MARCHF1: variants seen among roughly 807,000 people sequenced by gnomAD.
MARCHF1 encodes the protein E3 ubiquitin-protein ligase MARCHF1.
Under a neutral mutation model 54.2 loss-of-function variants are expected in MARCHF1, and 40 were observed. That is an observed-to-expected ratio of 0.74 (90% CI 0.57 to 0.96). MARCHF1 has a LOEUF of 0.96. Among genes scored for constraint, MARCHF1 ranks in the 40% least tolerant of loss-of-function variants. The pLI is 0.00. For synonymous variants in MARCHF1, 236 were observed against 236.3 expected (o/e 1.00, Z 0.01); for missense variants, 586 against 656.5 (o/e 0.89, Z 1.17).
intron 1 of MARCHF1, among the ~76,000 whole-genome samples, chr4:164,234,312 T>C (rs1732489984): frequency 6.6e-6 from 1 of 152,172 alleles, no homozygotes; most frequent in Non-Finnish European, 1.5e-5. Context: ...GAATAATTAC[T>C]ATACAATAAC....
chr4:163,843,675 C>T (rs1749403824), intron 4 of MARCHF1, among the ~76,000 whole-genome samples: 1 of 152,020 alleles, frequency 6.6e-6, no homozygotes, highest in African/African-American at 2.4e-5. Flanking sequence ...AGCTCCTTTC[C>T]CTAATTCTCT....
chr4:163,999,730 A>G (rs1753149334), intron 2 of MARCHF1, among the ~76,000 whole-genome samples: 1 of 151,526 alleles, frequency 6.6e-6, no homozygotes, highest in Non-Finnish European at 1.5e-5. Flanking sequence ...CTGCCAAATA[A>G]TGTAGTAAGC....
intron 4 of MARCHF1, among the ~76,000 whole-genome samples, chr4:163,779,514 T>C (rs145940889): frequency 1.0e-3 from 159 of 152,288 alleles, no homozygotes; most frequent in African/African-American, 3.7e-3. Flanking sequence ...CTTCTTATAG[T>C]TTTCCATAAA....
chr4:163,979,505 A>G (rs1752718553), intron 3 of MARCHF1, among the ~76,000 whole-genome samples: 1 of 147,400 alleles, frequency 6.8e-6, no homozygotes, highest in Non-Finnish European at 1.5e-5. Flanking sequence ...TCTTTATAGC[A>G]GCATGATTTA....
chr4:164,094,099 C>A (rs2111139420), intron 2 of MARCHF1, among the ~76,000 whole-genome samples: 1 of 152,218 alleles, frequency 6.6e-6, no homozygotes, highest in African/African-American at 2.4e-5. Flanking sequence ...TTCAGATCAA[C>A]ATTTGTTTGG....
At chr4:163,802,315 T>C (rs1056598149) in intron 4 of MARCHF1, among the ~76,000 whole-genome samples, 2 of 152,162 alleles carry the variant, frequency 1.3e-5, no homozygotes, top group Non-Finnish European at 2.9e-5. Flanking sequence ...TTTTTTCACT[T>C]TAAATTGCTA....
rs66848288 is a variant in MARCHF1 at position 163,651,525 on chromosome 4, CT to C, written c.163-38133del. ...CTCTCTCTGTCTTTCAAGTACCATA[CT>C]TTTTTTTTTTTTTTTTTTACTGCAA... On this transcript the variant is annotated intron_variant, in intron 5 of 9. Transcript: ENST00000514618. 3.3e-3 allele frequency among the ~76,000 whole-genome samples: 426 copies of C among 131,032 alleles called. 2 individuals carry two copies. Among genetic ancestry groups the C allele is most frequent in the Non-Finnish European group, 4.5e-3 (272 of 59,956 alleles). The allele number at this position is 131,032 out of a possible 152,430, so 86.0% of individuals were successfully genotyped here.
At chr4:163,829,610 G>C (rs1236647656) in intron 4 of MARCHF1, among the ~76,000 whole-genome samples, 2 of 152,018 alleles carry the variant, frequency 1.3e-5, no homozygotes, top group African/African-American at 4.8e-5. Flanking sequence ...GCAGGCTCAG[G>C]GTAAAAGGAA....
chr4:163,898,205 C>G (rs1259844208), intron 3 of MARCHF1, among the ~76,000 whole-genome samples: 1 of 150,642 alleles, frequency 6.6e-6, no homozygotes, highest in African/African-American at 2.4e-5. Flanking sequence ...TTTAATGAAA[C>G]TAAAAAGCTC....
rs144192992 is a variant in MARCHF1 at position 163,968,972 on chromosome 4, G to A, written c.-39+19529C>T. Among the ~76,000 whole-genome samples the A allele has an allele frequency of 1.7e-3, 252 of 152,250 alleles. 1 individual carries two copies. Among genetic ancestry groups the A allele is most frequent in the African/African-American group, 5.9e-3 (246 of 41,570 alleles). ...AGGAAAACAGGACTTAGAGGTCCTA[G>A]AAATATCCTGGATTACAGAGCTCAT... On this transcript the variant is annotated intron_variant, in intron 3 of 9. Coordinates refer to ENST00000514618, the MANE Select transcript of MARCHF1 (RefSeq NM_001394959.1).
intron 1 of MARCHF1, among the ~76,000 whole-genome samples, chr4:164,171,619 G>A (rs1283669114): frequency 6.6e-6 from 1 of 152,050 alleles, no homozygotes; most frequent in Non-Finnish European, 1.5e-5. Flanking sequence ...ATTAAGGAAG[G>A]CACACAAATT....
chr4:163,709,864 A>T (rs1190798513), intron 4 of MARCHF1, among the ~76,000 whole-genome samples: 1 of 152,208 alleles, frequency 6.6e-6, no homozygotes, highest in African/African-American at 2.4e-5. Context: ...GTTGAAGCAA[A>T]CATGGCAAAC....
At chr4:164,124,713 G>A (rs1424147072) in intron 1 of MARCHF1, among the ~76,000 whole-genome samples, 1 of 152,022 alleles carries the variant, frequency 6.6e-6, no homozygotes, top group African/African-American at 2.4e-5. Context: ...TTGTTTGTGG[G>A]ATCTAAAAAT....
At position 163,684,048 on chromosome 4, in the gene MARCHF1, C is replaced by T. The variant is rs1487710342; in HGVS notation, c.162+16765G>A. Reference sequence around the variant, plus strand: ...GGGGGCTTCAGGGCAGCCAGCATAGCCTTTATGCCTCTCAAGGTATGTACC... The same window carrying T: ...GGGGGCTTCAGGGCAGCCAGCATAGTCTTTATGCCTCTCAAGGTATGTACC... On this transcript the variant is annotated intron_variant, in intron 5 of 9. Transcript: ENST00000514618. Among the ~76,000 whole-genome samples the T allele has an allele frequency of 2.0e-5, 3 of 152,282 alleles. No individual in the cohort carries two copies. In the South Asian group the frequency reaches 6.2e-4, roughly 32 times the overall value.
intron 3 of MARCHF1, among the ~76,000 whole-genome samples, chr4:163,874,361 A>C (rs1038202766): frequency 2.6e-5 from 4 of 152,174 alleles, no homozygotes; most frequent in Non-Finnish European, 5.9e-5. Flanking sequence ...TAGTTCCAGC[A>C]TGTAGCCGTT....
chr4:164,047,944 G>T (rs1337452127), intron 2 of MARCHF1, among the ~76,000 whole-genome samples: 2 of 151,998 alleles, frequency 1.3e-5, no homozygotes, highest in Non-Finnish European at 2.9e-5. Flanking sequence ...ATCCTTCTAT[G>T]TAACCAACAT....
intron 4 of MARCHF1, among the ~76,000 whole-genome samples, chr4:163,847,093 A>G (rs1269229434): frequency 1.3e-5 from 2 of 152,216 alleles, no homozygotes; most frequent in Non-Finnish European, 2.9e-5. Context: ...ACAAAGGATA[A>G]TTGAATGGCC....
intron 2 of MARCHF1, among the ~76,000 whole-genome samples, chr4:164,015,714 A>T (rs1307926979): frequency 1.3e-5 from 2 of 152,108 alleles, no homozygotes; most frequent in East Asian, 3.8e-4. Context: ...GAAAAAAAAA[A>T]TGCCCAGCAT....
chr4:164,203,286 TA>T (rs775153679), intron 1 of MARCHF1, among the ~76,000 whole-genome samples: 1 of 151,148 alleles, frequency 6.6e-6, no homozygotes, highest in Non-Finnish European at 1.5e-5. Flanking sequence ...AAGAGAGGGA[TA>T]GGGGTGTGTG....
Sources: gnomAD v4.1 joint callset for allele counts (sites outside exome capture counted in the v4.1 genomes callset) on GRCh38, gnomAD v4.1.1 for gene constraint, MANE v1.5 for transcripts, NCBI Gene and HGNC (gene_info 2026-07-23, HGNC 2026-07-21) for gene names.